TNFRSF11A: variants seen among roughly 807,000 people sequenced by gnomAD.
TNFRSF11A encodes the protein tumor necrosis factor receptor superfamily member 11A.
TNFRSF11A carries 32 observed loss-of-function variants against 55.7 expected under a neutral mutation model. The ratio of observed to expected loss-of-function variants is 0.57; its 90% confidence interval spans 0.43 to 0.77. The LOEUF is 0.77. Among genes scored for constraint, TNFRSF11A ranks in the 30% least tolerant of loss-of-function variants. The pLI is 0.00. For missense variants in TNFRSF11A, 753 were observed against 809.8 expected (o/e 0.93, Z 0.85); for synonymous variants, 311 against 331.0 (o/e 0.94, Z 0.65).
Position 62,369,181 on chromosome 18 carries a change from T to G in TNFRSF11A, c.1264T>G (p.Leu422Val), listed in dbSNP as rs780141844. 2 of 1,614,074 alleles carry G rather than the reference T, an allele frequency of 1.2e-6. No individual in the cohort carries two copies. The highest frequency in any genetic ancestry group is 1.7e-5 in the Admixed American group (1 of 60,034). ...GACTCCCATGTCCTCTGAAAACTAC[T>G]TGCAAAAAGAGGTGGACAGTGGCCA... ...DWTPMSSENY[L>V]QKEVDSGHCP... The change falls in exon 9 of 10, where the codon TTG (leucine) becomes GTG (valine). Residue 422 changes from leucine to valine, a missense_variant. Leu to Val is a conservative substitution (Grantham distance 32). This residue lies in a region of TNFRSF11A where 567 missense variants were observed against 596.7 expected (regional missense o/e 0.95). Transcript: ENST00000586569.
In TNFRSF11A at chr18:62,383,493, G is replaced by A. The variant is rs116879043; in HGVS notation, c.1568-1258G>A. On this transcript the variant is annotated intron_variant, in intron 9 of 9. Transcript: ENST00000586569. This position sits in a 1 kb window ranked among gnomAD's most constrained non-coding sequence, Gnocchi z 4.2. Reference sequence around the variant, plus strand: ...AATGGAGAAGAAAAAGGGGTGAATCGTGAGGAGCCATTTTGACATTCCTGG... The same window carrying A: ...AATGGAGAAGAAAAAGGGGTGAATCATGAGGAGCCATTTTGACATTCCTGG... 2.1e-3 allele frequency among the ~76,000 whole-genome samples: 321 copies of A among 152,242 alleles called. No homozygotes were observed. Among genetic ancestry groups the A allele is most frequent in the Non-Finnish European group, 3.8e-3 (260 of 68,026 alleles).
intron 1 of TNFRSF11A, among the ~76,000 whole-genome samples, chr18:62,347,750 T>C (rs2046404706): frequency 6.6e-6 from 1 of 151,860 alleles, no homozygotes. Context: ...CCGTCTCTAC[T>C]AAAAATACAA....
At chr18:62,344,576 T>C (rs1188708382) in intron 1 of TNFRSF11A, among the ~76,000 whole-genome samples, 1 of 152,212 alleles carries the variant, frequency 6.6e-6, no homozygotes, top group Non-Finnish European at 1.5e-5. Flanking sequence ...CTGCTACCGA[T>C]AATAATAGCT....
chr18:62,368,726 G>C lies in TNFRSF11A; in HGVS notation c.809G>C (p.Ser270Thr), dbSNP rs376997742. Reference protein sequence around the residue: ...DKESSGDSCVSTHTANFGQQG... With the variant: ...DKESSGDSCVTTHTANFGQQG... Reference sequence around the variant, plus strand: ...GAGTCCTCAGGTGACAGTTGTGTCAGTACACACACGGCAAACTTTGGTCAG... The same window carrying C: ...GAGTCCTCAGGTGACAGTTGTGTCACTACACACACGGCAAACTTTGGTCAG... The change falls in exon 9 of 10, where the codon AGT (serine) becomes ACT (threonine). Residue 270 changes from serine (S) to threonine (T), a missense_variant. Transcript: ENST00000586569. The C allele has an allele frequency of 3.7e-6, 6 of 1,614,230 alleles. No homozygotes were observed. The highest frequency in any genetic ancestry group is 5.1e-6 in the Non-Finnish European group (6 of 1,180,046).
chr18:62,369,274 C>G lies in TNFRSF11A; in HGVS notation c.1357C>G (p.Pro453Ala), dbSNP rs1251450924. ...TGTCTGCACAGGCTGCCGGAACCCT[C>G]CTGGGGAGGACTGTGAACCCCTCGT... Reference protein sequence around the residue: ...ADVCTGCRNPPGEDCEPLVGS... With the variant: ...ADVCTGCRNPAGEDCEPLVGS... Residue 453 changes from proline to alanine, a missense_variant, in exon 9 of 10, where the codon CCT becomes GCT. Pro to Ala is a conservative substitution (Grantham distance 27). Transcript: ENST00000586569. 1 of 1,613,358 alleles carries G rather than the reference C, an allele frequency of 6.2e-7. No homozygotes were observed. The highest frequency in any genetic ancestry group is 2.2e-5 in the East Asian group (1 of 44,882).
At position 62,347,635 on chromosome 18, in the gene TNFRSF11A, G is replaced by A. The variant is rs144084724; in HGVS notation, c.76-533G>A. 2.4e-3 allele frequency among the ~76,000 whole-genome samples: 362 copies of A among 152,268 alleles called. 2 individuals are homozygous for A. The highest frequency in any genetic ancestry group is 3.8e-3 in the Admixed American group (58 of 15,304). On this transcript the variant is annotated intron_variant, in intron 1 of 9. Transcript: ENST00000586569. ...TAACAAGTTAAAAGGTAAGCAGGCC[G>A]GGCGTGGTGGCTCAGGCTTGTAATC...
chr18:62,354,614 C>A, intron 4 of TNFRSF11A, 80 bp downstream of exon 4: 1 of 1,587,438 alleles, frequency 6.3e-7, no homozygotes, highest in Non-Finnish European at 8.5e-7. Flanking sequence ...ATAATAGCAG[C>A]AAGAAAGCTC....
chr18:62,346,131 T>C (rs2046380140), intron 1 of TNFRSF11A, among the ~76,000 whole-genome samples: 1 of 152,190 alleles, frequency 6.6e-6, no homozygotes, highest in African/African-American at 2.4e-5. Context: ...ACACAAAGTA[T>C]GTGCTCATTT....
At chr18:62,345,525 AT>A (rs1600370256) in intron 1 of TNFRSF11A, among the ~76,000 whole-genome samples, 1 of 152,100 alleles carries the variant, frequency 6.6e-6, no homozygotes, top group East Asian at 1.9e-4. Context: ...CACCATAGCA[AT>A]TTTCCCAGCA....
At chr18:62,350,044 T>C (rs2046443229) in intron 3 of TNFRSF11A, 107 bp downstream of exon 3, 2 of 1,505,230 alleles carry the variant, frequency 1.3e-6, no homozygotes, top group Non-Finnish European at 1.8e-6. Context: ...TTCAGGAACA[T>C]GAAAGGAAGT....
rs138790411 is a variant in TNFRSF11A at position 62,357,910 on chromosome 18, G to A, written c.428-338G>A. On this transcript the variant is annotated intron_variant, in intron 4 of 9. Transcript: ENST00000586569. ...CTCCCAGACTAGGAAACAAAGTGTC[G>A]GTGACCAGGGGAGTGGCTCAGAACA... 637 of 299,188 alleles carry A rather than the reference G, an allele frequency of 2.1e-3. 13 individuals are homozygous for A. The highest frequency in any genetic ancestry group is 0.017 in the South Asian group (456 of 26,570). The allele number at this position is 299,188 out of a possible 1,614,324, so 18.5% of individuals were successfully genotyped here.
chr18:62,376,745 T>C (rs2145378894), intron 9 of TNFRSF11A, among the ~76,000 whole-genome samples: 1 of 152,312 alleles, frequency 6.6e-6, no homozygotes. Context: ...CCCCTTCCTC[T>C]CTCTGAACTT....
intron 1 of TNFRSF11A, among the ~76,000 whole-genome samples, chr18:62,342,094 T>G (rs1043054313): frequency 7.9e-5 from 12 of 151,762 alleles, no homozygotes; most frequent in Non-Finnish European, 5.9e-5. Context: ...CCCTTACTTC[T>G]GCTTTGCTAA....
chr18:62,342,549 T>C (rs761621514), intron 1 of TNFRSF11A, among the ~76,000 whole-genome samples: 5 of 152,188 alleles, frequency 3.3e-5, no homozygotes, highest in Non-Finnish European at 5.9e-5. Flanking sequence ...ATGAATGTTT[T>C]GCTGCGAATC....
At chr18:62,370,869 G>A (rs1248387256) in intron 9 of TNFRSF11A, among the ~76,000 whole-genome samples, 14 of 148,702 alleles carry the variant, frequency 9.4e-5, no homozygotes, top group South Asian at 4.2e-4. Flanking sequence ...TCACTCTGTC[G>A]CCCAGGCTGG....
intron 1 of TNFRSF11A, among the ~76,000 whole-genome samples, chr18:62,334,441 A>T (rs1265131102): frequency 6.6e-6 from 1 of 152,112 alleles, no homozygotes; most frequent in African/African-American, 2.4e-5. Context: ...ACGCGTGTTC[A>T]TCCCACTCCC....
intron 9 of TNFRSF11A, among the ~76,000 whole-genome samples, chr18:62,379,271 G>A (rs1041467526): frequency 4.6e-5 from 7 of 152,002 alleles, no homozygotes; most frequent in Admixed American, 1.3e-4. Context: ...ACCCACACCC[G>A]CCCAGGAAGC....
intron 9 of TNFRSF11A, among the ~76,000 whole-genome samples, chr18:62,371,030 A>G (rs955994944): frequency 7.9e-5 from 12 of 151,892 alleles, no homozygotes; most frequent in Non-Finnish European, 1.5e-4. Context: ...GGGTTTTTCC[A>G]TGTTGGCCAG....
chr18:62,337,227 A>G (rs1316931740), intron 1 of TNFRSF11A, among the ~76,000 whole-genome samples: 1 of 152,226 alleles, frequency 6.6e-6, no homozygotes, highest in African/African-American at 2.4e-5. Context: ...AGAACTTGTG[A>G]CAAAATGGTT....
Sources: gnomAD v4.1 joint callset for allele counts (sites outside exome capture counted in the v4.1 genomes callset) on GRCh38, gnomAD v4.1.1 for gene constraint, gnomAD v4.1.1 regional missense constraint, Gnocchi (gnomAD v3.1) non-coding constraint, MANE v1.5 for transcripts, NCBI Gene and HGNC (gene_info 2026-07-23, HGNC 2026-07-21) for gene names.